The following RBFOX1 variants were observed in gnomAD, a reference collection of about 807,000 sequenced individuals.
RBFOX1 encodes RNA binding fox-1 homolog 1.
RBFOX1 carries 8 observed loss-of-function variants against 57.7 expected under a neutral mutation model. The ratio of observed to expected loss-of-function variants is 0.14; its 90% CI spans 0.08 to 0.25. The LOEUF (loss-of-function observed/expected upper bound fraction) is 0.25. RBFOX1 is among the 10% of genes least tolerant of loss of function. RBFOX1 has a pLI of 1.00. For missense variants in RBFOX1, 611 were observed against 548.5 expected (o/e 1.11, Z -1.14); for synonymous variants, 326 against 222.4 (o/e 1.47, Z -4.15).
At chr16:6,081,734 A>G (rs1298309862) in intron 1 of RBFOX1, among the ~76,000 whole-genome samples, 1 of 152,222 alleles carries the variant, frequency 6.6e-6, no homozygotes, top group South Asian at 2.1e-4. Context: ...ATCTAGCAAT[A>G]GCAGAAGTCC....
chr16:6,722,884 G>C (rs1413069901), intron 3 of RBFOX1, among the ~76,000 whole-genome samples: 1 of 152,188 alleles, frequency 6.6e-6, no homozygotes, highest in Non-Finnish European at 1.5e-5. Flanking sequence ...TCTGTGCCTG[G>C]TCTGGCCCCC....
chr16:6,605,034 A>G (rs1211769823), intron 2 of RBFOX1, among the ~76,000 whole-genome samples: 2 of 152,074 alleles, frequency 1.3e-5, no homozygotes, highest in Non-Finnish European at 2.9e-5. Context: ...GCATATATAT[A>G]AAAATATATA....
chr16:5,564,698 C>A (rs2046002279), intron 2 of RBFOX1, among the ~76,000 whole-genome samples: 1 of 152,126 alleles, frequency 6.6e-6, no homozygotes, highest in African/African-American at 2.4e-5. Context: ...TGGCAAGCAT[C>A]CAGGCATTTA....
intron 2 of RBFOX1, among the ~76,000 whole-genome samples, chr16:6,438,078 G>C (rs1407859389): frequency 6.6e-6 from 1 of 152,148 alleles, no homozygotes; most frequent in Non-Finnish European, 1.5e-5. Flanking sequence ...GGTTAAGAGA[G>C]TTTGTATTTC....
chr16:5,359,564 G>T (rs1219288065), intron 1 of RBFOX1, among the ~76,000 whole-genome samples: 2 of 152,136 alleles, frequency 1.3e-5, no homozygotes, highest in Non-Finnish European at 1.5e-5. Flanking sequence ...TGATGGTTAG[G>T]GATGTTGAGC....
chr16:5,437,380 A>T (rs2067949019), intron 1 of RBFOX1, among the ~76,000 whole-genome samples: 1 of 152,176 alleles, frequency 6.6e-6, no homozygotes, highest in Non-Finnish European at 1.5e-5. Flanking sequence ...ATATACCGAA[A>T]ACCTTAAAGA....
At chr16:5,358,292 C>G (rs182538753) in intron 1 of RBFOX1, among the ~76,000 whole-genome samples, 6 of 151,988 alleles carry the variant, frequency 3.9e-5, no homozygotes, top group African/African-American at 1.5e-4. Flanking sequence ...GGATTAGGGC[C>G]CATTCTGTTC....
chr16:5,286,554 A>C (rs2063399953), intron 1 of RBFOX1, among the ~76,000 whole-genome samples: 2 of 152,176 alleles, frequency 1.3e-5, no homozygotes, highest in Non-Finnish European at 2.9e-5. Context: ...TATTAATACA[A>C]CTTACCCTCA....
intron 1 of RBFOX1, among the ~76,000 whole-genome samples, chr16:6,261,758 G>T (rs1337337828): frequency 1.3e-5 from 2 of 152,148 alleles, no homozygotes; most frequent in Non-Finnish European, 2.9e-5. Context: ...CACTTTGGGA[G>T]GCTGAGGCAG....
chr16:6,657,556 C>G (rs940783353), intron 3 of RBFOX1, among the ~76,000 whole-genome samples: 2 of 152,214 alleles, frequency 1.3e-5, no homozygotes, highest in East Asian at 3.9e-4. Context: ...GTGCCTCTGC[C>G]ACACTGATGG....
intron 5 of RBFOX1, among the ~76,000 whole-genome samples, chr16:7,562,636 T>C (rs982391593): frequency 6.6e-6 from 1 of 152,146 alleles, no homozygotes; most frequent in Non-Finnish European, 1.5e-5. Flanking sequence ...AAGAGGCACT[T>C]CTCATCACCA....
At chr16:6,915,778 C>T (rs912369780) in intron 3 of RBFOX1, among the ~76,000 whole-genome samples, 1 of 152,072 alleles carries the variant, frequency 6.6e-6, no homozygotes, top group Admixed American at 6.5e-5. Context: ...CCTCAAGCAC[C>T]TGTACTCAGG....
chr16:7,243,335 G>C (rs1163788737), intron 4 of RBFOX1, among the ~76,000 whole-genome samples: 2 of 152,080 alleles, frequency 1.3e-5, no homozygotes, highest in African/African-American at 2.4e-5. Context: ...AGACTTCTCT[G>C]ACCTTTAGTT....
At chr16:7,464,424 G>T (rs1035613900) in intron 4 of RBFOX1, among the ~76,000 whole-genome samples, 1 of 151,972 alleles carries the variant, frequency 6.6e-6, no homozygotes, top group African/African-American at 2.4e-5. Flanking sequence ...GCCACTGGAG[G>T]ATGGTGGTCA....
chr16:6,966,538 G>T (rs1314040457), intron 3 of RBFOX1, among the ~76,000 whole-genome samples: 1 of 152,070 alleles, frequency 6.6e-6, no homozygotes, highest in African/African-American at 2.4e-5. Context: ...GAGAGAGATG[G>T]ATCGAGTTAT....
At chr16:5,633,527 A>G (rs1156437019) in intron 3 of RBFOX1, among the ~76,000 whole-genome samples, 2 of 152,198 alleles carry the variant, frequency 1.3e-5, no homozygotes, top group Admixed American at 1.3e-4. Flanking sequence ...ACTGACATCC[A>G]GAATCTACAA....
intron 4 of RBFOX1, among the ~76,000 whole-genome samples, chr16:7,443,348 C>T (rs921231734): frequency 2.0e-5 from 3 of 151,952 alleles, no homozygotes; most frequent in South Asian, 2.1e-4. Flanking sequence ...ATTCCTACCC[C>T]ATCCCCCTCC....
intron 2 of RBFOX1, among the ~76,000 whole-genome samples, chr16:6,649,904 C>A (rs535819170): frequency 6.6e-6 from 1 of 152,108 alleles, no homozygotes; most frequent in Non-Finnish European, 1.5e-5. Flanking sequence ...CTTTTATCTA[C>A]TTGTGGATTG....
intron 3 of RBFOX1, among the ~76,000 whole-genome samples, chr16:5,640,983 C>T (rs757128053): frequency 6.6e-6 from 1 of 151,024 alleles, no homozygotes; most frequent in South Asian, 2.1e-4. Context: ...CACATACATG[C>T]ATATCATGCA....
Sources: allele counts gnomAD v4.1 joint callset (sites outside exome capture counted in the v4.1 genomes callset), GRCh38; gene constraint gnomAD v4.1.1; transcripts MANE v1.5; gene names NCBI Gene and HGNC (gene_info 2026-07-23, HGNC 2026-07-21).